Variants in ERI1 observed in about 807,000 individuals in gnomAD.
The protein encoded by ERI1 is exoribonuclease 1, also known as 3'-5' exoribonuclease 1.
In ERI1, 39 loss-of-function variants were observed where a neutral mutation model predicts 39.7. The ratio of observed to expected loss-of-function variants is 0.98; its 90% CI spans 0.76 to 1.28. The LOEUF is 1.28. Ranked by LOEUF, ERI1 falls within the 50% of genes most tolerant of loss-of-function variation. The probability of loss-of-function intolerance (pLI) is 0.00; values close to 1 mark genes in which losing one functional copy is unlikely to be tolerated. For synonymous variants in ERI1, 204 were observed against 149.6 expected (o/e 1.36, Z -2.65); for missense variants, 581 against 416.9 (o/e 1.39, Z -3.43).
chr8:9,067,857 C>A (rs1798930418), intron 3 of ERI1, among the ~76,000 whole-genome samples: 1 of 151,920 alleles, frequency 6.6e-6, no homozygotes, highest in Admixed American at 6.6e-5. Context: ...TTTTTACCTC[C>A]TTTTCCTTCT....
chr8:9,015,044 C>T (rs1462834766), intron 3 of ERI1, among the ~76,000 whole-genome samples: 3 of 152,112 alleles, frequency 2.0e-5, no homozygotes, highest in African/African-American at 7.2e-5. Context: ...ACCACTTCGG[C>T]CAGGCTGGTC....
At chr8:9,027,710 C>T (rs906827588) in intron 6 of ERI1, among the ~76,000 whole-genome samples, 3 of 152,168 alleles carry the variant, frequency 2.0e-5, no homozygotes, top group African/African-American at 7.2e-5. Context: ...ATTCAGTTTT[C>T]CCAACACCGT....
chr8:9,022,066 T>C (rs953672582), intron 6 of ERI1, among the ~76,000 whole-genome samples: 4 of 152,082 alleles, frequency 2.6e-5, no homozygotes, highest in Admixed American at 2.0e-4. Context: ...TACTAGATAA[T>C]ACAAAAATAG....
rs1023059782 is a variant in ERI1, at chr8:9,067,755, C to T, written n.299+47291C>T. On this transcript the variant is annotated intron_variant and non_coding_transcript_variant, in intron 3 of 3. Coordinates refer to the ERI1 transcript ENST00000518663. Reference sequence around the variant, plus strand: ...CAAGTTTTAAAGAAGCTGGGTTCCACGGTATTAACTGAATGATTTCAAGAT... The same window carrying T: ...CAAGTTTTAAAGAAGCTGGGTTCCATGGTATTAACTGAATGATTTCAAGAT... Among the ~76,000 whole-genome samples the T allele has an allele frequency of 5.3e-5, 8 of 151,852 alleles. No individual in the cohort carries two copies. The South Asian group carries it at 6.2e-4, about 12-fold the overall frequency.
chr8:9,028,680 G>C lies in ERI1; in HGVS notation c.808-1112G>C, dbSNP rs549517819. 1.1e-4 allele frequency among the ~76,000 whole-genome samples: 16 copies of C among 152,222 alleles called. No homozygotes were observed. In the South Asian group the frequency reaches 3.3e-3, roughly 32 times the overall value. On this transcript the variant is annotated intron_variant, in intron 6 of 6. Coordinates refer to ENST00000250263, the MANE Select transcript of ERI1 (RefSeq NM_153332.4). The stretch of plus-strand genomic sequence containing the variant: ...ACTCTGACGCCCAGGCTGGAGTGCA[G>C]TGGAGTGATCTTGGCTCACTGTAAC...
At chr8:9,003,962 T>A in intron 1 of ERI1, 1 of 616,472 alleles carries the variant, frequency 1.6e-6, no homozygotes, top group East Asian at 6.7e-5. Context: ...TTCAATAACA[T>A]GAATTTGGCT....
chr8:9,099,205 C>A (rs1024777094), intron 3 of ERI1, among the ~76,000 whole-genome samples: 7 of 152,084 alleles, frequency 4.6e-5, no homozygotes, highest in African/African-American at 1.7e-4. Flanking sequence ...GCATATCCAT[C>A]CAACCAACAA....
intron 3 of ERI1, among the ~76,000 whole-genome samples, chr8:9,096,267 G>A (rs538804021): frequency 6.6e-6 from 1 of 152,130 alleles, no homozygotes; most frequent in African/African-American, 2.4e-5. Flanking sequence ...GTCCTCTAAG[G>A]GTTTCCTGCT....
chr8:9,040,738 GGT>G (rs1554523439), intron 3 of ERI1, among the ~76,000 whole-genome samples: 2 of 150,680 alleles, frequency 1.3e-5, no homozygotes, highest in African/African-American at 4.9e-5. Flanking sequence ...GTGGGGGGGG[GGT>G]GTGTGTTAGT....
intron 6 of ERI1, among the ~76,000 whole-genome samples, chr8:9,028,985 T>G (rs1164144085): frequency 4.0e-5 from 6 of 150,412 alleles, no homozygotes; most frequent in Non-Finnish European, 4.4e-5. Flanking sequence ...TTTTTTTTTT[T>G]TTTTTTTTTT....
intron 3 of ERI1, among the ~76,000 whole-genome samples, chr8:9,093,009 G>C (rs73520793): frequency 6.6e-6 from 1 of 152,150 alleles, no homozygotes. Flanking sequence ...TCACGTTCAC[G>C]TGCTGCTTTC....
intron 3 of ERI1, among the ~76,000 whole-genome samples, chr8:9,074,333 AC>A (rs1225363394): frequency 7.3e-6 from 1 of 136,342 alleles, no homozygotes. Context: ...CTGGACTTGA[AC>A]TCCTGACCTT....
chr8:9,026,340 A>G (rs1797154023), intron 6 of ERI1, among the ~76,000 whole-genome samples: 1 of 152,134 alleles, frequency 6.6e-6, no homozygotes, highest in Non-Finnish European at 1.5e-5. Flanking sequence ...TCACCACATC[A>G]TTCTCCAGAA....
intron 6 of ERI1, among the ~76,000 whole-genome samples, chr8:9,028,762 T>A (rs1797372017): frequency 6.6e-6 from 1 of 152,020 alleles, no homozygotes; most frequent in South Asian, 2.1e-4. Context: ...TAGCTGGGAT[T>A]ACAGGCGCAC....
At chr8:9,069,786 G>T (rs1293783914) in intron 3 of ERI1, among the ~76,000 whole-genome samples, 1 of 152,064 alleles carries the variant, frequency 6.6e-6, no homozygotes, top group Admixed American at 6.6e-5. Flanking sequence ...TTACAAATGT[G>T]GCAACAGGAG....
At chr8:9,028,294 A>C (rs1797328719) in intron 6 of ERI1, among the ~76,000 whole-genome samples, 1 of 152,154 alleles carries the variant, frequency 6.6e-6, no homozygotes, top group Non-Finnish European at 1.5e-5. Context: ...TAATTCAATT[A>C]TTGTTAAGTT....
rs151079382 is a variant in ERI1 at position 9,050,275 on chromosome 8, G to C, written n.299+29811G>C. On this transcript the variant is annotated intron_variant and non_coding_transcript_variant, in intron 3 of 3. Transcript: ENST00000518663. ...ATAATTCTAGCACTTTGGGAGGCAG[G>C]GGCTGGTGGATCACTTGAGGTCAGG... is the stretch of plus-strand genomic sequence containing the variant. Among the ~76,000 whole-genome samples the C allele has an allele frequency of 1.2e-3, 187 of 152,154 alleles. 2 individuals carry two copies. The highest frequency in any genetic ancestry group is 2.3e-3 in the Non-Finnish European group (159 of 68,004).
rs142168871 is a variant in ERI1 at position 9,004,735 on chromosome 8, G to A, written c.108+1564G>A. 2.7e-3 allele frequency among the ~76,000 whole-genome samples: 323 copies of A among 120,462 alleles called. 1 individual carries two copies. Among genetic ancestry groups the A allele is most frequent in the African/African-American group, 9.7e-3 (301 of 31,158 alleles). The allele number at this position is 120,462 out of a possible 152,430, so 79.0% of individuals were successfully genotyped here. A position where few individuals can be genotyped will look rare whatever the true frequency, so the allele number is the denominator to read the frequency against. ...GAGTTTCGTTCTTGTTGCCCAGTCT[G>A]GAGTGCAATGGCATGGTCTCAGCTT... is the stretch of plus-strand genomic sequence containing the variant. On this transcript the variant is annotated intron_variant, in intron 1 of 6. Transcript: ENST00000250263.
At chr8:9,006,532 A>C (rs187401332) in intron 1 of ERI1, among the ~76,000 whole-genome samples, 1 of 152,234 alleles carries the variant, frequency 6.6e-6, no homozygotes, top group Non-Finnish European at 1.5e-5. Flanking sequence ...GAAATTTACT[A>C]AATGATGACT....
Sources: allele counts gnomAD v4.1 joint callset (sites outside exome capture counted in the v4.1 genomes callset), GRCh38; gene constraint gnomAD v4.1.1; transcripts MANE v1.5; gene names NCBI Gene and HGNC (gene_info 2026-07-23, HGNC 2026-07-21).